The following CADPS variants were observed in gnomAD, a reference collection of about 807,000 sequenced individuals.
CADPS encodes calcium dependent secretion activator, also known as calcium-dependent secretion activator 1.
In CADPS, 57 loss-of-function variants were observed where a neutral mutation model predicts 167.3. The ratio of observed to expected loss-of-function variants is 0.34; its 90% confidence interval spans 0.28 to 0.42. The LOEUF is 0.42. CADPS is among the 20% of genes least tolerant of loss of function. The probability of loss-of-function intolerance (pLI) is 1.00; values close to 1 mark genes in which losing one functional copy is unlikely to be tolerated. For missense variants in CADPS, 1,414 were observed against 1,738.1 expected (o/e 0.81, Z 3.32); for synonymous variants, 676 against 635.3 (o/e 1.06, Z -0.96).
rs765765222 is a variant in CADPS, at chr3:62,874,050, C to G, written c.441+539G>C. On this transcript the variant is annotated intron_variant, in intron 1 of 29. Coordinates refer to ENST00000383710, the MANE Select transcript of CADPS (RefSeq NM_003716.4). This position sits in a 1 kb window ranked among gnomAD's most constrained non-coding sequence, Gnocchi z 7.1. ...CTTCGCCTTCTGGGCTTGCTTTCTCCCGCCTGCCCCTGCGGTTGCTCTCTG... is the reference window on the plus strand; with the variant it reads ...CTTCGCCTTCTGGGCTTGCTTTCTCGCGCCTGCCCCTGCGGTTGCTCTCTG... 6.6e-6 allele frequency among the ~76,000 whole-genome samples: 1 copy of G among 152,178 alleles called. No individual in the cohort carries two copies. Among genetic ancestry groups the G allele is most frequent in the Non-Finnish European group, 1.5e-5 (1 of 68,022 alleles).
chr3:62,571,788 T>C (rs1456747263), intron 8 of CADPS, among the ~76,000 whole-genome samples: 1 of 152,140 alleles, frequency 6.6e-6, no homozygotes, highest in Non-Finnish European at 1.5e-5. Context: ...GGTCTCGAAC[T>C]CCCAACCTCA....
At chr3:62,763,605 G>A (rs1240637625) in intron 2 of CADPS, among the ~76,000 whole-genome samples, 1 of 152,174 alleles carries the variant, frequency 6.6e-6, no homozygotes, top group African/African-American at 2.4e-5. Context: ...TTGGGTACAG[G>A]AAGAGACATC....
At chr3:62,468,915 T>C (rs1576454972) in intron 24 of CADPS, among the ~76,000 whole-genome samples, 1 of 152,218 alleles carries the variant, frequency 6.6e-6, no homozygotes, top group Non-Finnish European at 1.5e-5. Flanking sequence ...AATATAGACA[T>C]CATATTCACT....
intron 9 of CADPS, 96 bp from the exon 10 acceptor site, chr3:62,557,609 G>A (rs922445997): frequency 7.3e-6 from 7 of 953,758 alleles, no homozygotes; most frequent in African/African-American, 6.5e-5. Context: ...TCTGGACTGA[G>A]TGGCTGGGTT....
chr3:62,784,891 A>C (rs2092260122), intron 1 of CADPS, among the ~76,000 whole-genome samples: 2 of 152,150 alleles, frequency 1.3e-5, no homozygotes, highest in Admixed American at 6.5e-5. Context: ...TATTTGTGAG[A>C]TCTTTAAGGA....
intron 4 of CADPS, among the ~76,000 whole-genome samples, chr3:62,659,906 C>A (rs957993513): frequency 5.9e-5 from 9 of 152,118 alleles, no homozygotes; most frequent in Non-Finnish European, 1.0e-4. Context: ...CCCTCAATAC[C>A]CTAGACAGGG....
chr3:62,776,740 T>C (rs970525664), intron 1 of CADPS, among the ~76,000 whole-genome samples: 1 of 152,112 alleles, frequency 6.6e-6, no homozygotes, highest in African/African-American at 2.4e-5. Context: ...CAGGAGAATG[T>C]TTCAGGCTTG....
At chr3:62,598,022 G>A (rs1416058403) in intron 6 of CADPS, among the ~76,000 whole-genome samples, 2 of 152,068 alleles carry the variant, frequency 1.3e-5, no homozygotes, top group Non-Finnish European at 2.9e-5. Context: ...CACACAAAAA[G>A]TGCCATTCAA....
intron 6 of CADPS, among the ~76,000 whole-genome samples, chr3:62,628,968 C>T (rs1012724535): frequency 1.3e-5 from 2 of 152,044 alleles, no homozygotes; most frequent in Non-Finnish European, 2.9e-5. Context: ...ATCTATTTTT[C>T]TTCACTGTCA....
In CADPS at chr3:62,601,382, T is replaced by C. The variant is rs184980002; in HGVS notation, c.1326-8634A>G. Among the ~76,000 whole-genome samples the C allele has an allele frequency of 6.6e-6, 1 of 152,326 alleles. No homozygotes were observed. The highest frequency in any genetic ancestry group is 1.5e-5 in the Non-Finnish European group (1 of 68,030). ...CAACAAACCGAAAATTTTTACTTTC[T>C]GGTCCTTTATAGAAAAAGTTTGCCG... On this transcript the variant is annotated intron_variant, in intron 6 of 29. Transcript: ENST00000383710. This position sits in a 1 kb window ranked among gnomAD's most constrained non-coding sequence, Gnocchi z 4.3.
chr3:62,852,718 C>G (rs1481916933), intron 1 of CADPS, among the ~76,000 whole-genome samples: 2 of 152,124 alleles, frequency 1.3e-5, no homozygotes, highest in Non-Finnish European at 2.9e-5. Context: ...TCTGAAAATT[C>G]CAGGAACATT....
chr3:62,867,958 C>T (rs1028470216), intron 1 of CADPS, among the ~76,000 whole-genome samples: 1 of 151,896 alleles, frequency 6.6e-6, no homozygotes, highest in African/African-American at 2.4e-5. Context: ...GAAAGCAAAC[C>T]CAGGCATTCT....
At chr3:62,401,484 C>T (rs546669974) in intron 29 of CADPS, among the ~76,000 whole-genome samples, 2 of 152,158 alleles carry the variant, frequency 1.3e-5, no homozygotes, top group Non-Finnish European at 2.9e-5. Context: ...TAAATAAATG[C>T]TTGCTGAATA....
intron 10 of CADPS, among the ~76,000 whole-genome samples, chr3:62,557,026 C>G (rs975566083): frequency 5.3e-5 from 8 of 151,468 alleles, no homozygotes; most frequent in African/African-American, 1.9e-4. Flanking sequence ...CACACACACA[C>G]ACACACACAC....
chr3:62,428,296 CTTTTTTTTTTTTTTTTT>C (rs34002756), intron 28 of CADPS, among the ~76,000 whole-genome samples: 2,216 of 64,998 alleles, frequency 0.034, 163 homozygotes, highest in African/African-American at 0.16. Flanking sequence ...GGAAGCAAGA[CTTTTTTTTTTTTTTTTT>C]TTTTTTTTTT....
At chr3:62,573,244 T>C (rs1172310726) in intron 8 of CADPS, among the ~76,000 whole-genome samples, 4 of 152,226 alleles carry the variant, frequency 2.6e-5, no homozygotes, top group Non-Finnish European at 4.4e-5. Flanking sequence ...GTAAATACTA[T>C]GTAAATAGTT....
chr3:62,519,266 C>T (rs1269050934), intron 13 of CADPS, among the ~76,000 whole-genome samples: 1 of 152,134 alleles, frequency 6.6e-6, no homozygotes, highest in Non-Finnish European at 1.5e-5. Context: ...AAATGCAAGT[C>T]ATCTTGAGAC....
intron 1 of CADPS, among the ~76,000 whole-genome samples, chr3:62,827,786 A>T (rs1007757303): frequency 6.6e-6 from 1 of 152,230 alleles, no homozygotes; most frequent in East Asian, 1.9e-4. Flanking sequence ...GAGATTACAG[A>T]TCTGTACAGT....
At chr3:62,712,083 T>C (rs1012882221) in intron 3 of CADPS, among the ~76,000 whole-genome samples, 2 of 152,220 alleles carry the variant, frequency 1.3e-5, no homozygotes, top group Non-Finnish European at 2.9e-5. Context: ...TTCAACGGTA[T>C]TGTATGAAAA....
Sources: allele counts gnomAD v4.1 joint callset (sites outside exome capture counted in the v4.1 genomes callset), GRCh38; gene constraint gnomAD v4.1.1; non-coding constraint Gnocchi (gnomAD v3.1); transcripts MANE v1.5; gene names NCBI Gene and HGNC (gene_info 2026-07-23, HGNC 2026-07-21).